The following CSMD1 variants were observed in gnomAD, a reference collection of about 807,000 sequenced individuals.
The protein encoded by CSMD1 is CUB and Sushi multiple domains 1, also known as CUB and sushi domain-containing protein 1.
A neutral mutation model predicts 417.5 loss-of-function variants in CSMD1; 213 were observed. The observed-to-expected ratio is 0.51, with a 90% CI of 0.46 to 0.57. CSMD1 has a LOEUF of 0.57. Among genes scored for constraint, CSMD1 ranks in the 20% least tolerant of loss-of-function variants. CSMD1 has a pLI of 0.00. For synonymous variants in CSMD1, 2,862 were observed against 1,736.8 expected, an observed-to-expected ratio of 1.65 and a Z score of -16.11; for missense variants, 6,923 against 4,529.7, an observed-to-expected ratio of 1.53 and a Z score of -15.17.
At chr8:3,493,062 A>G (rs912022177) in intron 11 of CSMD1, among the ~76,000 whole-genome samples, 1 of 152,050 alleles carries the variant, frequency 6.6e-6, no homozygotes, top group African/African-American at 2.4e-5. Context: ...GGGAGGCTGA[A>G]GTGGGCAAAT....
At chr8:4,338,771 C>T (rs977807333) in intron 3 of CSMD1, among the ~76,000 whole-genome samples, 5 of 151,884 alleles carry the variant, frequency 3.3e-5, no homozygotes, top group African/African-American at 9.7e-5. Flanking sequence ...TCCTTGAACC[C>T]AAATGAATCA....
intron 3 of CSMD1, among the ~76,000 whole-genome samples, chr8:4,371,264 A>C (rs1340250801): frequency 6.6e-6 from 1 of 152,148 alleles, no homozygotes; most frequent in Non-Finnish European, 1.5e-5. Flanking sequence ...TTTGGCTTCT[A>C]GTCCCTTGAG....
intron 3 of CSMD1, among the ~76,000 whole-genome samples, chr8:4,033,986 A>C (rs568986262): frequency 2.0e-5 from 3 of 152,208 alleles, no homozygotes; most frequent in East Asian, 3.9e-4. Flanking sequence ...TATGAAACTT[A>C]CTAGTAGAGA....
chr8:4,554,449 T>A (rs1291243592), intron 2 of CSMD1, among the ~76,000 whole-genome samples: 2 of 152,166 alleles, frequency 1.3e-5, no homozygotes, highest in East Asian at 3.9e-4. Context: ...ACACAGTCAC[T>A]TTTTAACATT....
chr8:4,768,414 T>C (rs1054125199), intron 1 of CSMD1, among the ~76,000 whole-genome samples: 9 of 152,196 alleles, frequency 5.9e-5, no homozygotes, highest in African/African-American at 2.2e-4. Flanking sequence ...GTCTGCCGGG[T>C]GTCAGCGACT....
At chr8:3,752,123 C>T (rs886843815) in intron 6 of CSMD1, among the ~76,000 whole-genome samples, 1 of 152,114 alleles carries the variant, frequency 6.6e-6, no homozygotes, top group Non-Finnish European at 1.5e-5. Flanking sequence ...TCCATCCCAC[C>T]TTTACTCCAT....
intron 5 of CSMD1, among the ~76,000 whole-genome samples, chr8:3,939,917 C>G (rs1482896816): frequency 6.6e-6 from 1 of 152,058 alleles, no homozygotes; most frequent in Non-Finnish European, 1.5e-5. Context: ...TCACTGTAAA[C>G]TTCTCGGATG....
intron 16 of CSMD1, 97 bp downstream of exon 16, chr8:3,399,294 A>T (rs1021430543): frequency 1.1e-5 from 14 of 1,233,708 alleles, no homozygotes; most frequent in African/African-American, 1.5e-5. Context: ...GGGAACCGAA[A>T]AAAACTGCCA....
intron 25 of CSMD1, among the ~76,000 whole-genome samples, chr8:3,305,987 C>T (rs1563251411): frequency 6.6e-6 from 1 of 151,984 alleles, no homozygotes; most frequent in African/African-American, 2.4e-5. Flanking sequence ...GCCCCACAGT[C>T]TGTAATATTC....
chr8:4,639,929 C>A (rs1184931976), intron 1 of CSMD1, among the ~76,000 whole-genome samples: 1 of 152,042 alleles, frequency 6.6e-6, no homozygotes, highest in African/African-American at 2.4e-5. Context: ...AATATTAAAG[C>A]TGTGGGGTTT....
intron 3 of CSMD1, among the ~76,000 whole-genome samples, chr8:4,405,587 AGTTT>A (rs1166235296): frequency 1.3e-5 from 2 of 152,194 alleles, no homozygotes; most frequent in African/African-American, 4.8e-5. Flanking sequence ...ACAAAACGTG[AGTTT>A]GTTTGTTGAC....
intron 1 of CSMD1, among the ~76,000 whole-genome samples, chr8:4,727,825 G>GAT (rs1234285552): frequency 1.3e-5 from 2 of 149,224 alleles, no homozygotes; most frequent in African/African-American, 4.9e-5. Flanking sequence ...ATATGTTTGG[G>GAT]ATATATATAT....
chr8:4,446,342 G>T (rs570860063), intron 2 of CSMD1, among the ~76,000 whole-genome samples: 44 of 152,236 alleles, frequency 2.9e-4, no homozygotes, highest in African/African-American at 1.1e-3. Context: ...GAGCCCAGGA[G>T]TTTGAAACCA....
rs898289766 is a variant in CSMD1, at chr8:4,872,190, T to C, written c.85+122142A>G. Among the ~76,000 whole-genome samples, 26 of 152,160 alleles carry C rather than the reference T, an allele frequency of 1.7e-4. 1 individual carries two copies. The highest frequency in any genetic ancestry group is 5.8e-4 in the African/African-American group (24 of 41,394). ...CTAAGGCACTCTGTGTTAGCCTGTG[T>C]GACTCAAGTAAGGCATAGAGGCCTT... On this transcript the variant is annotated intron_variant, in intron 1 of 69. Transcript: ENST00000635120.
At chr8:4,490,580 C>G (rs539600536) in intron 2 of CSMD1, among the ~76,000 whole-genome samples, 289 of 152,208 alleles carry the variant, frequency 1.9e-3, no homozygotes, top group African/African-American at 6.6e-3. Context: ...TTCTTCTCAT[C>G]AAGGAGATCA....
At chr8:3,384,871 T>A (rs866884661) in intron 18 of CSMD1, among the ~76,000 whole-genome samples, 1 of 122,186 alleles carries the variant, frequency 8.2e-6, no homozygotes, top group East Asian at 2.2e-4. Context: ...TGTAAATATA[T>A]ATTATATATG....
intron 2 of CSMD1, among the ~76,000 whole-genome samples, chr8:4,525,917 C>T (rs1260883964): frequency 3.9e-5 from 6 of 152,102 alleles, no homozygotes; most frequent in Admixed American, 3.9e-4. Flanking sequence ...GCCTTAGTAA[C>T]CACCTGAGAC....
chr8:4,756,525 T>C (rs1444880083), intron 1 of CSMD1, among the ~76,000 whole-genome samples: 1 of 152,220 alleles, frequency 6.6e-6, no homozygotes, highest in Non-Finnish European at 1.5e-5. Context: ...CTTAATATTA[T>C]TCTGGTCTAC....
At chr8:4,303,420 CTGTTTTT>C (rs1347592878) in intron 3 of CSMD1, among the ~76,000 whole-genome samples, 43 of 92,318 alleles carry the variant, frequency 4.7e-4, no homozygotes, top group African/African-American at 1.5e-3. Context: ...GGGCAGGAAG[CTGTTTTT>C]TTTTTTTTTT....
Sources: gnomAD v4.1 joint callset for allele counts (sites outside exome capture counted in the v4.1 genomes callset) on GRCh38, gnomAD v4.1.1 for gene constraint, MANE v1.5 for transcripts, NCBI Gene and HGNC (gene_info 2026-07-23, HGNC 2026-07-21) for gene names.